The following ME3 variants were observed in gnomAD, a reference collection of about 807,000 sequenced individuals.
ME3 encodes malic enzyme 3, also known as NADP-dependent malic enzyme, mitochondrial.
ME3 carries 48 observed loss-of-function variants against 68.9 expected under a neutral mutation model. That is an observed-to-expected ratio of 0.70 (90% CI 0.55 to 0.89). ME3 has a LOEUF of 0.89. Among genes scored for constraint, ME3 ranks in the 40% least tolerant of loss-of-function variants. The pLI is 0.00. For synonymous variants in ME3, 320 were observed against 318.8 expected (o/e 1.00, Z -0.04); for missense variants, 675 against 797.4 (o/e 0.85, Z 1.85).
At chr11:86,550,931 G>A (rs535105159) in intron 4 of ME3, among the ~76,000 whole-genome samples, 1 of 152,226 alleles carries the variant, frequency 6.6e-6, no homozygotes, top group Admixed American at 6.5e-5. Context: ...TTAGGAAGCA[G>A]AGGTGTGTAA....
intron 4 of ME3, among the ~76,000 whole-genome samples, chr11:86,547,541 T>C (rs1412943289): frequency 6.6e-6 from 1 of 152,084 alleles, no homozygotes; most frequent in East Asian, 1.9e-4. Flanking sequence ...GATGACGGGT[T>C]GATGGGTGCA....
intron 7 of ME3, among the ~76,000 whole-genome samples, chr11:86,471,992 G>C (rs1950808664): frequency 6.6e-6 from 1 of 152,212 alleles, no homozygotes; most frequent in Admixed American, 6.5e-5. Context: ...AAAGAGGGCA[G>C]GCAGCTCTGC....
chr11:86,544,138 T>G (rs1257406355), intron 4 of ME3, among the ~76,000 whole-genome samples: 2 of 152,190 alleles, frequency 1.3e-5, no homozygotes, highest in Non-Finnish European at 2.9e-5. Context: ...CCAGAATCTC[T>G]GGGACACAGC....
At chr11:86,640,876 C>G (rs1377216463) in intron 2 of ME3, among the ~76,000 whole-genome samples, 2 of 152,098 alleles carry the variant, frequency 1.3e-5, no homozygotes, top group African/African-American at 4.8e-5. Flanking sequence ...CTATCTCAGC[C>G]CAGCTCCCAG....
intron 10 of ME3, among the ~76,000 whole-genome samples, chr11:86,448,681 A>G (rs893136465): frequency 1.3e-5 from 2 of 152,162 alleles, no homozygotes; most frequent in Non-Finnish European, 2.9e-5. Context: ...TGCTTATAAG[A>G]GCCATTAATT....
intron 12 of ME3, 93 bp downstream of exon 12, chr11:86,446,972 G>T: frequency 6.9e-7 from 1 of 1,456,954 alleles, no homozygotes; most frequent in Non-Finnish European, 9.3e-7. Context: ...TTGCTCATCA[G>T]CGATGTAGGA....
At chr11:86,580,844 G>T (rs1021116307) in intron 2 of ME3, among the ~76,000 whole-genome samples, 1 of 152,132 alleles carries the variant, frequency 6.6e-6, no homozygotes, top group South Asian at 2.1e-4. Flanking sequence ...TGGACATTTT[G>T]CAATCACCTT....
intron 2 of ME3, among the ~76,000 whole-genome samples, chr11:86,581,506 G>A (rs112104392): frequency 0.034 from 5,106 of 152,296 alleles, 109 homozygotes; most frequent in Middle Eastern, 0.058. Flanking sequence ...AGTGCCTGAT[G>A]CTTAGAAAGG....
At chr11:86,585,231 T>C (rs571744568) in intron 2 of ME3, among the ~76,000 whole-genome samples, 1 of 152,362 alleles carries the variant, frequency 6.6e-6, no homozygotes, top group South Asian at 2.1e-4. Flanking sequence ...TAATTAAATC[T>C]GTGTTCTTTA....
intron 8 of ME3, among the ~76,000 whole-genome samples, chr11:86,457,164 C>T (rs1489386524): frequency 6.6e-6 from 1 of 152,218 alleles, no homozygotes; most frequent in African/African-American, 2.4e-5. Context: ...TTTGCCCTCT[C>T]TACTGGATCA....
intron 2 of ME3, among the ~76,000 whole-genome samples, chr11:86,565,259 A>T (rs995254389): frequency 6.6e-6 from 1 of 152,084 alleles, no homozygotes; most frequent in African/African-American, 2.4e-5. Flanking sequence ...AGAAATGAAA[A>T]CTCTGACTGG....
chr11:86,619,495 T>A (rs899339342), intron 2 of ME3, among the ~76,000 whole-genome samples: 2 of 152,222 alleles, frequency 1.3e-5, no homozygotes, highest in African/African-American at 4.8e-5. Flanking sequence ...TCCCACATGT[T>A]GTGGGAGGCA....
Position 86,487,269 on chromosome 11 carries a change from CA to C in ME3, c.809+67del, listed in dbSNP as rs780298111. 1.0e-3 allele frequency: 1,335 copies of C among 1,318,978 alleles called. 2 individuals carry two copies. Among genetic ancestry groups the C allele is most frequent in the Non-Finnish European group, 1.4e-3 (1,288 of 915,830 alleles). The allele number at this position is 1,318,978 out of a possible 1,614,324, so 81.7% of individuals were successfully genotyped here. A position where few individuals can be genotyped will look rare whatever the true frequency, so the allele number is the denominator to read the frequency against. The stretch of plus-strand genomic sequence containing the variant: ...CTTTACTTTGTATATCAGCCAAAAC[CA>C]GTGTTGACTTTAGTCACGGCATCTC... On this transcript the variant is annotated intron_variant, in intron 7 of 14. Coordinates refer to ENST00000543262, the Ensembl canonical transcript of ME3.
intron 4 of ME3, among the ~76,000 whole-genome samples, chr11:86,535,816 A>G (rs1442810518): frequency 1.3e-5 from 2 of 152,230 alleles, no homozygotes; most frequent in African/African-American, 4.8e-5. Flanking sequence ...CATGGATAAT[A>G]GAAGCTCACT....
At chr11:86,455,019 T>C (rs1949837534) in intron 8 of ME3, among the ~76,000 whole-genome samples, 1 of 152,270 alleles carries the variant, frequency 6.6e-6, no homozygotes, top group Non-Finnish European at 1.5e-5. Flanking sequence ...CGGGACTCTA[T>C]GCAGGATCAT....
At chr11:86,602,647 G>A (rs1375236988) in intron 2 of ME3, among the ~76,000 whole-genome samples, 1 of 152,214 alleles carries the variant, frequency 6.6e-6, no homozygotes, top group Non-Finnish European at 1.5e-5. Flanking sequence ...GCATCAGTAA[G>A]TCAATCCTAA....
intron 2 of ME3, among the ~76,000 whole-genome samples, chr11:86,607,050 ATTG>A (rs768667064): frequency 3.3e-5 from 5 of 152,088 alleles, no homozygotes; most frequent in East Asian, 3.8e-4. Flanking sequence ...GGGTTTTGTT[ATTG>A]TTGTTGTTGT....
At position 86,596,379 on chromosome 11, in the gene ME3, A is replaced by G. The variant is rs1959458508; in HGVS notation, c.184-36556T>C. Among the ~76,000 whole-genome samples the G allele has an allele frequency of 2.0e-5, 3 of 152,344 alleles. No homozygotes were observed. The East Asian group carries it at 5.8e-4, about 29-fold the overall frequency. ...CTACTTGTACAATTTTAATACTTTC[A>G]TCATGGTCAGATGAAATCTAATTAA... On this transcript the variant is annotated intron_variant, in intron 2 of 14. Transcript: ENST00000543262.
chr11:86,653,600 G>C (rs182123616), intron 2 of ME3, among the ~76,000 whole-genome samples: 2 of 152,154 alleles, frequency 1.3e-5, no homozygotes, highest in South Asian at 4.1e-4. Flanking sequence ...AAAGTAGTGC[G>C]TAGAGGGAAA....
Sources: allele counts gnomAD v4.1 joint callset (sites outside exome capture counted in the v4.1 genomes callset), GRCh38; gene constraint gnomAD v4.1.1; transcripts MANE v1.5; gene names NCBI Gene and HGNC (gene_info 2026-07-23, HGNC 2026-07-21).